RFX7: variants seen among roughly 807,000 people sequenced by gnomAD.
The protein encoded by RFX7 is regulatory factor X7, also known as DNA-binding protein RFX7.
RFX7 carries 26 observed loss-of-function variants against 111.8 expected under a neutral mutation model. The ratio of observed to expected loss-of-function variants is 0.23; its 90% confidence interval spans 0.17 to 0.32. RFX7 has a LOEUF of 0.32. RFX7 is among the 10% of genes least tolerant of loss of function. RFX7 has a pLI of 1.00. For missense variants in RFX7, 1,573 were observed against 1,772.9 expected (o/e 0.89, Z 2.02); for synonymous variants, 624 against 624.4 (o/e 1.00, Z 0.01).
chr15:56,132,631 A>G (rs552255759), intron 5 of RFX7, among the ~76,000 whole-genome samples: 61 of 152,230 alleles, frequency 4.0e-4, no homozygotes, highest in Non-Finnish European at 7.1e-4. Flanking sequence ...GGTGGCATGG[A>G]GTTTTTTCTA....
At chr15:56,239,896 G>A (rs1477683892) in intron 2 of RFX7, among the ~76,000 whole-genome samples, 2 of 151,402 alleles carry the variant, frequency 1.3e-5, no homozygotes, top group East Asian at 3.9e-4. Context: ...CTTAGTAAAT[G>A]TGTTTACTGT....
chr15:56,160,943 T>G (rs1862900884), intron 3 of RFX7, among the ~76,000 whole-genome samples: 2 of 152,084 alleles, frequency 1.3e-5, no homozygotes. Context: ...GAGGAAATTG[T>G]TTTTCTATTC....
chr15:56,108,784 A>T (rs183666154), intron 5 of RFX7, among the ~76,000 whole-genome samples: 1 of 152,200 alleles, frequency 6.6e-6, no homozygotes, highest in Admixed American at 6.5e-5. Context: ...ACATGATCCT[A>T]TATTTAGAAA....
At chr15:56,126,257 A>T (rs2042144084) in intron 5 of RFX7, among the ~76,000 whole-genome samples, 1 of 152,198 alleles carries the variant, frequency 6.6e-6, no homozygotes, top group African/African-American at 2.4e-5. Context: ...TTAACCAAAG[A>T]CCTGCAGCAA....
intron 8 of RFX7, among the ~76,000 whole-genome samples, chr15:56,099,902 A>G (rs1354528645): frequency 2.0e-5 from 3 of 152,142 alleles, no homozygotes; most frequent in Non-Finnish European, 4.4e-5. Context: ...AATTCATTCA[A>G]CATTTCCCAC....
chr15:56,150,814 C>A (rs2042559064), intron 3 of RFX7, among the ~76,000 whole-genome samples: 1 of 152,000 alleles, frequency 6.6e-6, no homozygotes, highest in Admixed American at 6.5e-5. Context: ...AAGCTAATAA[C>A]CTTGAAAAAA....
In RFX7 at chr15:56,139,223, T is replaced by C. The variant is rs867109955; in HGVS notation, c.401+3555A>G. 4.5e-3 allele frequency among the ~76,000 whole-genome samples: 678 copies of C among 151,470 alleles called. 8 individuals carry two copies. Among genetic ancestry groups the C allele is most frequent in the African/African-American group, 0.016 (646 of 41,388 alleles). On this transcript the variant is annotated intron_variant, in intron 5 of 9. Coordinates refer to ENST00000559447, the MANE Select transcript of RFX7 (RefSeq NM_022841.7). ...TCCTGCAGAGTGTTTTCCAACTTGG[T>C]TCCATTCTCCCCATCACTTTCAGGT...
At chr15:56,155,965 T>C (rs904145262) in intron 3 of RFX7, among the ~76,000 whole-genome samples, 1 of 152,052 alleles carries the variant, frequency 6.6e-6, no homozygotes, top group Non-Finnish European at 1.5e-5. Context: ...TCATGCTCTC[T>C]TCCAGTTAAC....
intron 5 of RFX7, among the ~76,000 whole-genome samples, chr15:56,139,990 C>G (rs1391562073): frequency 6.6e-6 from 1 of 152,014 alleles, no homozygotes; most frequent in African/African-American, 2.4e-5. Context: ...TCTCCAGCTG[C>G]GTGCTGGGAG....
At chr15:56,128,861 G>C (rs2042177684) in intron 5 of RFX7, among the ~76,000 whole-genome samples, 1 of 151,808 alleles carries the variant, frequency 6.6e-6, no homozygotes, top group South Asian at 2.1e-4. Context: ...CAAAATTGCA[G>C]GATACGAGAT....
chr15:56,130,838 A>G (rs1469960822), intron 5 of RFX7, among the ~76,000 whole-genome samples: 1 of 152,122 alleles, frequency 6.6e-6, no homozygotes, highest in Non-Finnish European at 1.5e-5. Flanking sequence ...AGAAGATACA[A>G]AAGATATTAA....
At chr15:56,203,831 C>T (rs142022639) in intron 2 of RFX7, among the ~76,000 whole-genome samples, 2 of 152,236 alleles carry the variant, frequency 1.3e-5, no homozygotes, top group East Asian at 3.9e-4. Context: ...CAAGAAATAA[C>T]CACAAATATA....
intron 3 of RFX7, among the ~76,000 whole-genome samples, chr15:56,154,762 A>G (rs1383739114): frequency 6.6e-6 from 1 of 152,238 alleles, no homozygotes; most frequent in Non-Finnish European, 1.5e-5. Flanking sequence ...AATGGCAACA[A>G]AAGCCAGAAT....
chr15:56,213,893 A>G (rs1276244191), intron 2 of RFX7, among the ~76,000 whole-genome samples: 1 of 151,990 alleles, frequency 6.6e-6, no homozygotes, highest in East Asian at 1.9e-4. Flanking sequence ...ATTTTTTAAG[A>G]TTTTCTTTTA....
chr15:56,118,937 T>A (rs1567015215), intron 5 of RFX7, among the ~76,000 whole-genome samples: 1 of 152,250 alleles, frequency 6.6e-6, no homozygotes, highest in Non-Finnish European at 1.5e-5. Flanking sequence ...ATTTCTCTAA[T>A]GAACAATGAT....
chr15:56,185,248 C>G (rs962899685), intron 2 of RFX7, among the ~76,000 whole-genome samples: 6 of 152,078 alleles, frequency 3.9e-5, no homozygotes, highest in African/African-American at 1.4e-4. Context: ...AAACTATCTA[C>G]TACTCACCAA....
At chr15:56,194,825 G>GATGAT (rs1161289779) in intron 2 of RFX7, among the ~76,000 whole-genome samples, 1 of 152,140 alleles carries the variant, frequency 6.6e-6, no homozygotes, top group Non-Finnish European at 1.5e-5. Flanking sequence ...GGGAATGAAA[G>GATGAT]ATGATATGGC....
chr15:56,196,344 A>G (rs1451781100), intron 2 of RFX7, among the ~76,000 whole-genome samples: 1 of 152,176 alleles, frequency 6.6e-6, no homozygotes, highest in East Asian at 1.9e-4. Flanking sequence ...TATTATTCCC[A>G]TGAATGTATA....
intron 2 of RFX7, among the ~76,000 whole-genome samples, chr15:56,216,099 T>A (rs1263834690): frequency 6.6e-6 from 1 of 152,172 alleles, no homozygotes; most frequent in Non-Finnish European, 1.5e-5. Flanking sequence ...ATTGCATGAT[T>A]AGGTCCAGCC....
Sources: allele counts gnomAD v4.1 joint callset (sites outside exome capture counted in the v4.1 genomes callset), GRCh38; gene constraint gnomAD v4.1.1; transcripts MANE v1.5; gene names NCBI Gene and HGNC (gene_info 2026-07-23, HGNC 2026-07-21).